The following ADAMTS3 variants were observed in gnomAD, a reference collection of about 807,000 sequenced individuals.
ADAMTS3 encodes the protein A disintegrin and metalloproteinase with thrombospondin motifs 3.
A neutral mutation model predicts 129.0 loss-of-function variants in ADAMTS3; 73 were observed. The ratio of observed to expected loss-of-function variants is 0.57; its 90% CI spans 0.47 to 0.69. The LOEUF is 0.69. Ranked by LOEUF, ADAMTS3 falls within the 30% of genes least tolerant of loss-of-function variation. ADAMTS3 has a pLI of 0.00. For missense variants in ADAMTS3, 1,457 were observed against 1,514.5 expected, an observed-to-expected ratio of 0.96 and a Z score of 0.63; for synonymous variants, 477 against 510.8, an observed-to-expected ratio of 0.93 and a Z score of 0.89.
chr4:72,312,499 T>C, intron 12 of ADAMTS3, 33 bp from the exon 13 acceptor site: 5 of 1,607,068 alleles, frequency 3.1e-6, no homozygotes, highest in Non-Finnish European at 4.3e-6. Flanking sequence ...AAAGGCCTTT[T>C]GGCTTCTGTC....
chr4:72,307,047 A>C lies in ADAMTS3; in HGVS notation c.2180-980T>G, dbSNP rs957698516. ...ATTATGTAACCTACACCTTCAATAC[A>C]TTATGAAACATCCAATACATATTCT... On this transcript the variant is annotated intron_variant, in intron 15 of 21. Coordinates refer to ENST00000286657, the MANE Select transcript of ADAMTS3 (RefSeq NM_014243.3). Among the ~76,000 whole-genome samples the C allele has an allele frequency of 3.3e-5, 5 of 152,020 alleles. No individual in the cohort carries two copies. In the South Asian group the frequency reaches 1.0e-3, roughly 31 times the overall value.
chr4:72,489,534 C>A (rs1210163686), intron 3 of ADAMTS3, among the ~76,000 whole-genome samples: 1 of 151,870 alleles, frequency 6.6e-6, no homozygotes, highest in Non-Finnish European at 1.5e-5. Context: ...GACAGCCAAC[C>A]ATATCATAGC....
intron 4 of ADAMTS3, among the ~76,000 whole-genome samples, chr4:72,384,788 T>C (rs1049105479): frequency 6.6e-6 from 1 of 152,164 alleles, no homozygotes; most frequent in African/African-American, 2.4e-5. Context: ...TCTATTCAAT[T>C]TCTTTAAAAT....
intron 3 of ADAMTS3, among the ~76,000 whole-genome samples, chr4:72,534,920 T>C (rs1375471659): frequency 1.3e-5 from 2 of 152,218 alleles, no homozygotes; most frequent in Non-Finnish European, 2.9e-5. Flanking sequence ...TGAACCAATA[T>C]GGCTCAATAT....
intron 6 of ADAMTS3, 22 bp downstream of exon 6, chr4:72,322,992 T>C: frequency 6.3e-7 from 1 of 1,586,084 alleles, no homozygotes; most frequent in Non-Finnish European, 8.7e-7. Context: ...ATGTTTATAA[T>C]TCATGTTTTA....
chr4:72,402,271 C>T (rs535725623), intron 4 of ADAMTS3, among the ~76,000 whole-genome samples: 1 of 152,276 alleles, frequency 6.6e-6, no homozygotes, highest in East Asian at 1.9e-4. Flanking sequence ...AGTCACACAA[C>T]ATATATTTTC....
At chr4:72,530,332 T>C (rs1256585673) in intron 3 of ADAMTS3, among the ~76,000 whole-genome samples, 1 of 84,934 alleles carries the variant, frequency 1.2e-5, no homozygotes, top group Non-Finnish European at 2.0e-5. Context: ...TATATGTTAA[T>C]ATAATATATA....
At chr4:72,301,746 A>T (rs1327071843) in intron 17 of ADAMTS3, among the ~76,000 whole-genome samples, 1 of 152,106 alleles carries the variant, frequency 6.6e-6, no homozygotes, top group East Asian at 1.9e-4. Flanking sequence ...GTCATGACAA[A>T]GGACACCAAT....
chr4:72,516,525 G>C (rs941462030), intron 3 of ADAMTS3, among the ~76,000 whole-genome samples: 2 of 152,108 alleles, frequency 1.3e-5, no homozygotes, highest in Non-Finnish European at 2.9e-5. Context: ...GCAGTGGTTT[G>C]TCGTTCTCCT....
At chr4:72,484,449 A>G (rs1024789893) in intron 3 of ADAMTS3, among the ~76,000 whole-genome samples, 2 of 152,226 alleles carry the variant, frequency 1.3e-5, no homozygotes, top group South Asian at 4.1e-4. Flanking sequence ...AGCAGGGTAA[A>G]AAAAGACCAA....
At chr4:72,545,264 T>C (rs1420599720) in intron 3 of ADAMTS3, among the ~76,000 whole-genome samples, 2 of 152,154 alleles carry the variant, frequency 1.3e-5, no homozygotes, top group Non-Finnish European at 2.9e-5. Flanking sequence ...TCAAGGACTA[T>C]GCCAAATCTT....
rs543675714 is a variant in ADAMTS3, at chr4:72,412,483, GAAGTTA to G, written c.661+2326_661+2331del. ...ACTTGGCTCTCCATCTTGCTACCAA[GAAGTTA>G]AAGGAAGAATTTGAAAGTTCTGAAT... On this transcript the variant is annotated intron_variant, in intron 4 of 21. Transcript: ENST00000286657. Among the ~76,000 whole-genome samples, 23 of 152,088 alleles carry G rather than the reference GAAGTTA, an allele frequency of 1.5e-4. 1 individual carries two copies. In the South Asian group the frequency reaches 4.8e-3, roughly 32 times the overall value.
intron 3 of ADAMTS3, among the ~76,000 whole-genome samples, chr4:72,502,416 T>C (rs976979102): frequency 3.3e-5 from 5 of 152,174 alleles, no homozygotes; most frequent in African/African-American, 7.2e-5. Context: ...GTGTTCATAA[T>C]AGTCTCTGAG....
chr4:72,301,227 A>C (rs1718942368), intron 17 of ADAMTS3, among the ~76,000 whole-genome samples: 2 of 91,832 alleles, frequency 2.2e-5, no homozygotes, highest in Non-Finnish European at 4.5e-5. Flanking sequence ...TGGATTAGAC[A>C]AAAAAAAATT....
chr4:72,307,022 A>G (rs72862316), intron 15 of ADAMTS3, among the ~76,000 whole-genome samples: 20,283 of 151,926 alleles, frequency 0.13, 2,857 homozygotes, highest in African/African-American at 0.34. Context: ...ATATAAAATG[A>G]TTATGTAACC....
chr4:72,431,617 T>C (rs907996508), intron 3 of ADAMTS3, among the ~76,000 whole-genome samples: 3 of 152,034 alleles, frequency 2.0e-5, no homozygotes, highest in Non-Finnish European at 4.4e-5. Context: ...ACTTTGTGTT[T>C]AGTCTTGGGT....
chr4:72,385,437 C>A (rs1225810572), intron 4 of ADAMTS3, among the ~76,000 whole-genome samples: 1 of 151,902 alleles, frequency 6.6e-6, no homozygotes, highest in Admixed American at 6.6e-5. Flanking sequence ...GTACGAAGAG[C>A]AGGTAGGACA....
At chr4:72,526,733 C>CATATATAT (rs36097990) in intron 3 of ADAMTS3, among the ~76,000 whole-genome samples, 18 of 99,098 alleles carry the variant, frequency 1.8e-4, no homozygotes, top group Non-Finnish European at 2.5e-4. Flanking sequence ...TATATACATA[C>CATATATAT]ATATATATAT....
intron 5 of ADAMTS3, among the ~76,000 whole-genome samples, chr4:72,323,628 A>G (rs1719623001): frequency 6.6e-6 from 1 of 152,176 alleles, no homozygotes; most frequent in South Asian, 2.1e-4. Flanking sequence ...TGAGGCAATG[A>G]CTGCTTGAAA....
Sources: allele counts gnomAD v4.1 joint callset (sites outside exome capture counted in the v4.1 genomes callset), GRCh38; gene constraint gnomAD v4.1.1; transcripts MANE v1.5; gene names NCBI Gene and HGNC (gene_info 2026-07-23, HGNC 2026-07-21).